SLC35F3: variants seen among roughly 807,000 people sequenced by gnomAD.
SLC35F3 encodes the protein putative thiamine transporter SLC35F3.
In SLC35F3, 25 loss-of-function variants were observed where a neutral mutation model predicts 49.9. The ratio of observed to expected loss-of-function variants is 0.50; its 90% CI spans 0.37 to 0.70. The LOEUF (loss-of-function observed/expected upper bound fraction) is 0.70. Ranked by LOEUF, SLC35F3 falls within the 30% of genes least tolerant of loss-of-function variation. The pLI is 0.00. For synonymous variants in SLC35F3, 275 were observed against 265.4 expected (o/e 1.04, Z -0.35); for missense variants, 525 against 639.8 (o/e 0.82, Z 1.94).
chr1:234,048,327 G>T (rs778677459), intron 2 of SLC35F3, among the ~76,000 whole-genome samples: 1 of 152,164 alleles, frequency 6.6e-6, no homozygotes, highest in Admixed American at 6.5e-5. Context: ...CAAAGATGTG[G>T]TTGGACAATC....
rs563194193 is a variant in SLC35F3 at position 234,164,553 on chromosome 1, C to T, written c.284-66864C>T. ...GGCACAGTCATTGGAAGGGCGGCCA[C>T]GTGGCTTGCACAGACAGTGATACTT... On this transcript the variant is annotated intron_variant, in intron 2 of 7. Transcript: ENST00000366618. 9.2e-5 allele frequency among the ~76,000 whole-genome samples: 14 copies of T among 152,208 alleles called. No individual in the cohort carries two copies. In the South Asian group the frequency reaches 2.7e-3, roughly 29 times the overall value.
chr1:233,948,037 A>T lies in SLC35F3; in HGVS notation c.283+42279A>T, dbSNP rs187948698. Among the ~76,000 whole-genome samples, 70 of 144,600 alleles carry T rather than the reference A, an allele frequency of 4.8e-4. No homozygotes were observed. In the East Asian group the frequency reaches 8.8e-3, roughly 18 times the overall value. 94.9% of individuals were successfully genotyped at this position (144,600 alleles called of 152,430 possible). A position where few individuals can be genotyped will look rare whatever the true frequency, so the allele number is the denominator to read the frequency against. ...GCTAGATAATTAGGAAAAATTATTT[A>T]AAAAAAAAAGAGGCTGGAAACAGGT... On this transcript the variant is annotated intron_variant, in intron 2 of 7. Coordinates refer to ENST00000366618, the MANE Select transcript of SLC35F3 (RefSeq NM_173508.4).
chr1:234,106,138 A>G (rs975469957), intron 2 of SLC35F3, among the ~76,000 whole-genome samples: 2 of 152,176 alleles, frequency 1.3e-5, no homozygotes, highest in Non-Finnish European at 2.9e-5. Context: ...TTTGGGTGGC[A>G]TTGTTCCCAG....
chr1:234,275,763 A>AAATATAT (rs1553260465), intron 3 of SLC35F3, among the ~76,000 whole-genome samples: 30 of 135,528 alleles, frequency 2.2e-4, no homozygotes, highest in Non-Finnish European at 4.7e-5. Flanking sequence ...AAAAAAAAAA[A>AAATATAT]ATATATATAT....
chr1:234,256,329 C>A (rs913637105), intron 3 of SLC35F3, among the ~76,000 whole-genome samples: 1 of 151,870 alleles, frequency 6.6e-6, no homozygotes, highest in Non-Finnish European at 1.5e-5. Flanking sequence ...TTCGAAGCTC[C>A]CCTGAATGAT....
chr1:234,165,376 G>T (rs1332237146), intron 2 of SLC35F3, among the ~76,000 whole-genome samples: 1 of 152,120 alleles, frequency 6.6e-6, no homozygotes, highest in East Asian at 1.9e-4. Context: ...CTGCTCATTT[G>T]CTAGAGAGAG....
chr1:234,224,190 A>T (rs547772659), intron 2 of SLC35F3, among the ~76,000 whole-genome samples: 1 of 152,084 alleles, frequency 6.6e-6, no homozygotes, highest in African/African-American at 2.4e-5. Flanking sequence ...TCAGCCTCCC[A>T]GGTAGCTGGG....
At chr1:234,023,511 A>C (rs566535132) in intron 2 of SLC35F3, among the ~76,000 whole-genome samples, 2 of 152,204 alleles carry the variant, frequency 1.3e-5, no homozygotes, top group Non-Finnish European at 2.9e-5. Flanking sequence ...AAATTAAGAA[A>C]TGGGGGAGAG....
chr1:234,156,565 TAC>T (rs1558244886), intron 2 of SLC35F3, among the ~76,000 whole-genome samples: 2 of 152,278 alleles, frequency 1.3e-5, no homozygotes, highest in African/African-American at 2.4e-5. Context: ...CTCAAAAAGC[TAC>T]AGTTACTTAG....
At chr1:233,999,571 C>T (rs962551320) in intron 2 of SLC35F3, among the ~76,000 whole-genome samples, 6 of 152,060 alleles carry the variant, frequency 3.9e-5, no homozygotes, top group Non-Finnish European at 7.4e-5. Context: ...CTGTATTGTG[C>T]CTTTGCTTGT....
chr1:234,117,758 C>T (rs889846122), intron 2 of SLC35F3, among the ~76,000 whole-genome samples: 6 of 150,882 alleles, frequency 4.0e-5, no homozygotes, highest in Non-Finnish European at 5.9e-5. Flanking sequence ...TGGTGGTGGG[C>T]GCCTGTAATC....
intron 2 of SLC35F3, among the ~76,000 whole-genome samples, chr1:234,198,633 T>C (rs1023731953): frequency 1.3e-5 from 2 of 152,136 alleles, no homozygotes; most frequent in East Asian, 1.9e-4. Context: ...ATTAGTTTTG[T>C]TCATCAACAA....
At chr1:234,036,191 T>C (rs903606082) in intron 2 of SLC35F3, among the ~76,000 whole-genome samples, 1 of 152,166 alleles carries the variant, frequency 6.6e-6, no homozygotes, top group Non-Finnish European at 1.5e-5. Flanking sequence ...GCCTCCCAAG[T>C]AGCTGGGACT....
At chr1:233,919,915 C>T (rs929296785) in intron 2 of SLC35F3, among the ~76,000 whole-genome samples, 2 of 152,154 alleles carry the variant, frequency 1.3e-5, no homozygotes, top group Non-Finnish European at 2.9e-5. Context: ...TCTCAATCTC[C>T]TTCCTCGCTC....
chr1:234,321,582 G>A (rs1657620845), intron 7 of SLC35F3, among the ~76,000 whole-genome samples: 1 of 152,194 alleles, frequency 6.6e-6, no homozygotes, highest in South Asian at 2.1e-4. Context: ...TCTCCAGAAG[G>A]CGTGCTCCAG....
intron 2 of SLC35F3, among the ~76,000 whole-genome samples, chr1:233,981,856 G>A (rs545669477): frequency 6.6e-6 from 1 of 152,266 alleles, no homozygotes; most frequent in South Asian, 2.1e-4. Context: ...TTATTTTAAT[G>A]TTCTAGTAGG....
chr1:233,921,474 C>T (rs907552066), intron 2 of SLC35F3, among the ~76,000 whole-genome samples: 1 of 152,110 alleles, frequency 6.6e-6, no homozygotes, highest in South Asian at 2.1e-4. Flanking sequence ...TATCTAATGA[C>T]GTTTATTCAC....
intron 2 of SLC35F3, among the ~76,000 whole-genome samples, chr1:234,191,796 A>T (rs552810987): frequency 1.3e-5 from 2 of 152,290 alleles, no homozygotes; most frequent in African/African-American, 4.8e-5. Context: ...CAGAAATACA[A>T]AAGATCATTC....
intron 2 of SLC35F3, among the ~76,000 whole-genome samples, chr1:233,921,911 C>T (rs923014293): frequency 1.2e-4 from 18 of 150,758 alleles, no homozygotes; most frequent in East Asian, 5.9e-4. Flanking sequence ...TCTGTCCTTG[C>T]GATAGTTTGC....
Sources: gnomAD v4.1 joint callset for allele counts (sites outside exome capture counted in the v4.1 genomes callset) on GRCh38, gnomAD v4.1.1 for gene constraint, MANE v1.5 for transcripts, NCBI Gene and HGNC (gene_info 2026-07-23, HGNC 2026-07-21) for gene names.